DYNC1LI2: variants seen among roughly 807,000 people sequenced by gnomAD.
DYNC1LI2 encodes dynein cytoplasmic 1 light intermediate chain 2.
DYNC1LI2 carries 19 observed loss-of-function variants against 57.8 expected under a neutral mutation model. The observed-to-expected ratio is 0.33, with a 90% CI of 0.23 to 0.48. DYNC1LI2 has a LOEUF of 0.48. Ranked by LOEUF, DYNC1LI2 falls within the 20% of genes least tolerant of loss-of-function variation. The probability of loss-of-function intolerance (pLI) is 0.99; values close to 1 mark genes in which losing one functional copy is unlikely to be tolerated. For missense variants in DYNC1LI2, 470 were observed against 604.2 expected (o/e 0.78, Z 2.33); for synonymous variants, 256 against 233.4 (o/e 1.10, Z -0.88).
At chr16:66,742,300 G>A in intron 4 of DYNC1LI2, 138 bp downstream of exon 4, 3 of 805,750 alleles carry the variant, frequency 3.7e-6, no homozygotes, top group South Asian at 3.8e-5. Context: ...GTTTACAAGA[G>A]GAACTCTGAA....
chr16:66,727,133 G>A (rs2017550790), intron 11 of DYNC1LI2, among the ~76,000 whole-genome samples: 1 of 152,130 alleles, frequency 6.6e-6, no homozygotes, highest in African/African-American at 2.4e-5. Flanking sequence ...GCCCGGGCTA[G>A]TCTCGAACTC....
chr16:66,749,342 G>A, intron 2 of DYNC1LI2, 29 bp from the exon 3 acceptor site: 3 of 1,606,526 alleles, frequency 1.9e-6, no homozygotes, highest in Non-Finnish European at 2.6e-6. Context: ...AGACAAAGGT[G>A]TACTGTTTAT....
At chr16:66,736,346 A>T in intron 4 of DYNC1LI2, 102 bp from the exon 5 acceptor site, 1 of 1,372,118 alleles carries the variant, frequency 7.3e-7, no homozygotes, top group Non-Finnish European at 9.9e-7. Flanking sequence ...AAACACAGGC[A>T]GTTGTGTGTG....
At chr16:66,744,052 C>G (rs2017891766) in intron 3 of DYNC1LI2, among the ~76,000 whole-genome samples, 1 of 152,002 alleles carries the variant, frequency 6.6e-6, no homozygotes, top group African/African-American at 2.4e-5. Flanking sequence ...TAAAATTGAT[C>G]AAGAACTGGT....
At position 66,723,797 on chromosome 16, in the gene DYNC1LI2, A is replaced by C; in HGVS notation, c.1404T>G (p.Val468=). ...GAGTCATTCTATCCAGTTCTTCCTGAACATTTGACAACACAGTCTTTTGTC... is the reference window on the plus strand; with the variant it reads ...GAGTCATTCTATCCAGTTCTTCCTGCACATTTGACAACACAGTCTTTTGTC... ...KSGQKTVLSN[V]QEELDRMTRK... The change falls in exon 13 of 13, where the codon GTT becomes GTG. Residue 468 remains valine, a synonymous_variant. Coordinates refer to ENST00000258198, the MANE Select transcript of DYNC1LI2 (RefSeq NM_006141.3). 2 of 1,605,538 alleles carry C rather than the reference A, an allele frequency of 1.2e-6. No individual in the cohort carries two copies. Among genetic ancestry groups the C allele is most frequent in the Non-Finnish European group, 1.7e-6 (2 of 1,178,222 alleles).
intron 9 of DYNC1LI2, 135 bp downstream of exon 9, chr16:66,728,902 TGAG>T (rs2017583607): frequency 6.0e-6 from 5 of 839,178 alleles, no homozygotes; most frequent in South Asian, 2.8e-5. Context: ...AAGGAGGGAA[TGAG>T]GAGACCTGGT....
intron 5 of DYNC1LI2, among the ~76,000 whole-genome samples, chr16:66,734,997 C>CAA (rs377398071): frequency 0.34 from 13,078 of 37,970 alleles, 2,806 homozygotes; most frequent in East Asian, 0.62. Flanking sequence ...AACTCCGTCT[C>CAA]AAAAAAAAAA....
intron 10 of DYNC1LI2, 60 bp downstream of exon 10, chr16:66,728,141 A>G: frequency 6.2e-7 from 1 of 1,603,726 alleles, no homozygotes; most frequent in Non-Finnish European, 8.5e-7. Context: ...ATAATGGTAT[A>G]AAGTTTGATG....
intron 2 of DYNC1LI2, among the ~76,000 whole-genome samples, 171 bp from the exon 3 acceptor site, chr16:66,749,484 G>A (rs962124098): frequency 1.1e-4 from 16 of 152,150 alleles, no homozygotes; most frequent in Non-Finnish European, 1.8e-4. Flanking sequence ...TTGGGAGGGT[G>A]GGGAGGAGAG....
intron 3 of DYNC1LI2, 62 bp downstream of exon 3, chr16:66,749,135 C>T: frequency 2.0e-6 from 3 of 1,521,986 alleles, no homozygotes; most frequent in Non-Finnish European, 2.7e-6. Flanking sequence ...AGGAACTGCA[C>T]CCAAGGAAGC....
rs1223131847 is a variant in DYNC1LI2 at position 66,721,849 on chromosome 16, T to G, written c.*1873A>C. The G allele has an allele frequency of 1.3e-5, 2 of 152,518 alleles. No individual in the cohort carries two copies. Among genetic ancestry groups the G allele is most frequent in the Non-Finnish European group, 2.9e-5 (2 of 68,044 alleles). 9.4% of individuals were successfully genotyped at this position (152,518 alleles called of 1,614,324 possible). Reference sequence around the variant, plus strand: ...TCGGCATGTGCCTTTCCAGGAATTCTTGTTTCTGAGGTCACTCATTTTACT... The same window carrying G: ...TCGGCATGTGCCTTTCCAGGAATTCGTGTTTCTGAGGTCACTCATTTTACT... On this transcript the variant is annotated 3_prime_UTR_variant, in exon 13 of 13. Transcript: ENST00000258198.
chr16:66,737,924 A>T (rs1316777875), intron 4 of DYNC1LI2, among the ~76,000 whole-genome samples: 3 of 152,190 alleles, frequency 2.0e-5, no homozygotes, highest in Non-Finnish European at 4.4e-5. Flanking sequence ...CCAGAGAAGA[A>T]AACAGGCAGC....
chr16:66,751,443 GCCGCGCCCC>G lies in DYNC1LI2; in HGVS notation c.107+33_107+41del. ...GTGTGTCCGACGGTCCGGCCCAGAGGCCGCGCCCCCCACGGCCCGGCCCGACCGCCCGCG... is the reference window on the plus strand; with the variant it reads ...GTGTGTCCGACGGTCCGGCCCAGAGGCCACGGCCCGGCCCGACCGCCCGCG... On this transcript the variant is annotated intron_variant, in intron 1 of 12. Transcript: ENST00000258198. This position sits in a 1 kb window ranked among gnomAD's most constrained non-coding sequence, Gnocchi z 5.2. 2 of 1,579,732 alleles carry G rather than the reference GCCGCGCCCC, an allele frequency of 1.3e-6. No individual in the cohort carries two copies. Among genetic ancestry groups the G allele is most frequent in the South Asian group, 2.3e-5 (2 of 88,082 alleles).
intron 11 of DYNC1LI2, among the ~76,000 whole-genome samples, chr16:66,726,336 G>A (rs528166849): frequency 3.2e-4 from 49 of 152,344 alleles, no homozygotes; most frequent in African/African-American, 1.2e-3. Flanking sequence ...ACTGCAGGCA[G>A]TATCTGTGAG....
chr16:66,750,519 T>C (rs959403088), intron 2 of DYNC1LI2, among the ~76,000 whole-genome samples: 1 of 152,204 alleles, frequency 6.6e-6, no homozygotes, highest in Non-Finnish European at 1.5e-5. Flanking sequence ...TTCTGCAAAA[T>C]ACTCAACCCC....
chr16:66,734,379 T>C, intron 5 of DYNC1LI2, 68 bp from the exon 6 acceptor site: 1 of 1,460,786 alleles, frequency 6.8e-7, no homozygotes, highest in Non-Finnish European at 9.5e-7. Flanking sequence ...CACCTCATTC[T>C]TCAGAAATAA....
At chr16:66,725,720 G>T in intron 12 of DYNC1LI2, 108 bp downstream of exon 12, 3 of 1,078,560 alleles carry the variant, frequency 2.8e-6, no homozygotes, top group Non-Finnish European at 4.0e-6. Context: ...CTGCTTCCTT[G>T]CTTGGCTATT....
chr16:66,738,034 G>C (rs1005349526), intron 4 of DYNC1LI2, among the ~76,000 whole-genome samples: 2 of 152,194 alleles, frequency 1.3e-5, no homozygotes, highest in Non-Finnish European at 2.9e-5. Context: ...AGGACCTAGA[G>C]AAAGGTCCTA....
intron 4 of DYNC1LI2, among the ~76,000 whole-genome samples, chr16:66,740,854 T>A (rs1046083242): frequency 6.6e-6 from 1 of 152,226 alleles, no homozygotes; most frequent in African/African-American, 2.4e-5. Context: ...CTCAACTACC[T>A]ACACCTCCAG....
Sources: gnomAD v4.1 joint callset for allele counts (sites outside exome capture counted in the v4.1 genomes callset) on GRCh38, gnomAD v4.1.1 for gene constraint, Gnocchi (gnomAD v3.1) non-coding constraint, MANE v1.5 for transcripts, NCBI Gene and HGNC (gene_info 2026-07-23, HGNC 2026-07-21) for gene names.